C1orf54: variants seen among roughly 807,000 people sequenced by gnomAD.
C1orf54 encodes the protein chromosome 1 open reading frame 54.
Under a neutral mutation model 14.7 loss-of-function variants are expected in C1orf54, and 12 were observed. That is an observed-to-expected ratio of 0.82 (90% CI 0.52 to 1.32). C1orf54 has a LOEUF of 1.32. C1orf54 is among the 40% of genes most tolerant of loss of function. C1orf54 has a pLI of 0.00. For missense variants in C1orf54, 163 were observed against 162.2 expected (o/e 1.00, Z -0.03); for synonymous variants, 65 against 56.3 (o/e 1.16, Z -0.70).
intron 2 of C1orf54, among the ~76,000 whole-genome samples, chr1:150,275,230 G>A (rs1553852190): frequency 6.6e-6 from 1 of 152,008 alleles, no homozygotes; most frequent in Non-Finnish European, 1.5e-5. Flanking sequence ...TAGAGACAAG[G>A]TGTCACCATG....
upstream of C1orf54, chr1:150,272,694 C>A: frequency 1.0e-6 from 1 of 974,184 alleles, no homozygotes; most frequent in Non-Finnish European, 1.6e-6. Context: ...GTTCTGCCCC[C>A]TGGGAGGAGA....
intron 2 of C1orf54, among the ~76,000 whole-genome samples, chr1:150,275,456 T>C (rs149638219): frequency 0.02 from 3,086 of 152,066 alleles, 132 homozygotes; most frequent in African/African-American, 0.071. Context: ...TGAGCTATGA[T>C]TGAACCAACT....
chr1:150,272,709 T>G, upstream of C1orf54: 1 of 1,115,770 alleles, frequency 9.0e-7, no homozygotes, highest in Non-Finnish European at 1.3e-6. Context: ...AGGAGAAGAG[T>G]TGCTGCAGCT....
chr1:150,270,401 G>A (rs1043953331), upstream of C1orf54, among the ~76,000 whole-genome samples: 1 of 152,082 alleles, frequency 6.6e-6, no homozygotes, highest in African/African-American at 2.4e-5. Flanking sequence ...CAGCACTTTC[G>A]GAGGCCAAGG....
chr1:150,277,605 G>A (rs1652776777), intron 4 of C1orf54, among the ~76,000 whole-genome samples: 1 of 151,398 alleles, frequency 6.6e-6, no homozygotes, highest in African/African-American at 2.4e-5. Flanking sequence ...TGAAGGAGAG[G>A]GTATATGGAA....
At chr1:150,278,832 T>TA (rs1164820411) in intron 4 of C1orf54, among the ~76,000 whole-genome samples, 1 of 152,058 alleles carries the variant, frequency 6.6e-6, no homozygotes, top group Non-Finnish European at 1.5e-5. Flanking sequence ...ACCAACCATC[T>TA]AAAAAATCTG....
chr1:150,270,717 C>T (rs1652138506), upstream of C1orf54, among the ~76,000 whole-genome samples: 1 of 152,012 alleles, frequency 6.6e-6, no homozygotes, highest in Non-Finnish European at 1.5e-5. Flanking sequence ...AAGAGGGTAG[C>T]TGGGCGCAGT....
In C1orf54 at chr1:150,275,745, C is replaced by T; in HGVS notation, c.135C>T (p.Asp45=). The change falls in exon 3 of 6, where the codon GAC becomes GAT. Residue 45 remains aspartate (D), a synonymous_variant. Transcript: ENST00000369099. ...GATTTTCTTTCTCCTCTGCAGATGA[C>T]TTTAGTGCAGATTTCACCATTGATT... ...YYYTVTPSYD[D]FSADFTIDYS... is the part of the protein sequence containing the mutation. 6.2e-7 allele frequency: 1 copy of T among 1,610,554 alleles called. No individual in the cohort carries two copies. The highest frequency in any genetic ancestry group is 8.5e-7 in the Non-Finnish European group (1 of 1,176,930).
At chr1:150,279,783 A>C in intron 5 of C1orf54, 42 bp downstream of exon 5, 1 of 1,514,852 alleles carries the variant, frequency 6.6e-7, no homozygotes, top group African/African-American at 1.4e-5. Context: ...CTGTGAAATA[A>C]TATTTTTTAA....
At chr1:150,279,505 G>C in intron 4 of C1orf54, 138 bp from the exon 5 acceptor site, 1 of 809,874 alleles carries the variant, frequency 1.2e-6, no homozygotes, top group South Asian at 1.7e-5. Context: ...GATGGGGAAG[G>C]ATGGATCTTT....
intron 4 of C1orf54, among the ~76,000 whole-genome samples, chr1:150,278,709 G>A (rs16835698): frequency 0.021 from 3,244 of 152,242 alleles, 148 homozygotes; most frequent in African/African-American, 0.075. Context: ...CCAAGGAGGA[G>A]GAGGTCACTT....
upstream of C1orf54, among the ~76,000 whole-genome samples, chr1:150,270,228 A>G (rs1553850997): frequency 6.6e-6 from 1 of 152,182 alleles, no homozygotes; most frequent in African/African-American, 2.4e-5. Flanking sequence ...TTTAAAGATA[A>G]CCAAACTTCC....
In C1orf54 at chr1:150,280,863, A is replaced by T. The variant is rs781809184; in HGVS notation, c.*32A>T. The T allele has an allele frequency of 1.2e-5, 19 of 1,550,224 alleles. No individual in the cohort carries two copies. In the South Asian group the frequency reaches 2.3e-4, roughly 18 times the overall value. On this transcript the variant is annotated 3_prime_UTR_variant, in exon 6 of 6. Coordinates refer to ENST00000369099, the MANE Select transcript of C1orf54 (RefSeq NM_024579.4). ...GAAGAAGGCTGCTATGACTCTTTGG[A>T]TGGGAGTCTGGCAAGAGGAAATTGG...
In C1orf54 at chr1:150,273,568, G is replaced by C. The variant is rs1389934762; in HGVS notation, c.47-519G>C. 2.6e-5 allele frequency among the ~76,000 whole-genome samples: 4 copies of C among 152,174 alleles called. No homozygotes were observed. The East Asian group carries it at 5.8e-4, about 22-fold the overall frequency. The stretch of plus-strand genomic sequence containing the variant: ...AGAGATGGGTCATTTTAGTCCAGCT[G>C]ACTCATTTTAAGAAAGCGGATGTTA... On this transcript the variant is annotated intron_variant, in intron 1 of 5. Transcript: ENST00000369099.
chr1:150,274,600 A>AAG (rs1193242696), intron 2 of C1orf54, among the ~76,000 whole-genome samples: 1 of 50 alleles, frequency 0.02, no homozygotes, highest in Non-Finnish European at 0.05. Context: ...ACTCCATCTC[A>AAG]AAAAAAAAAA....
upstream of C1orf54, chr1:150,268,895 T>G: frequency 8.1e-7 from 1 of 1,234,400 alleles, no homozygotes; most frequent in Non-Finnish European, 1.1e-6. Context: ...CCGCGTGGGG[T>G]GGCAACGCGA....
At chr1:150,279,131 C>A (rs1394744943) in intron 4 of C1orf54, among the ~76,000 whole-genome samples, 1 of 152,182 alleles carries the variant, frequency 6.6e-6, no homozygotes, top group Non-Finnish European at 1.5e-5. Context: ...ATTAGCCAGG[C>A]ATGGTGGCGG....
At chr1:150,270,852 C>T (rs57518665), upstream of C1orf54, among the ~76,000 whole-genome samples, 2,585 of 151,166 alleles carry the variant, frequency 0.017, 140 homozygotes, top group East Asian at 0.21. Context: ...AAAAATTAGC[C>T]AGGCGTGGTG....
chr1:150,273,273 A>G (rs77388767), intron 1 of C1orf54, among the ~76,000 whole-genome samples: 26 of 152,350 alleles, frequency 1.7e-4, no homozygotes, highest in Admixed American at 1.6e-3. Flanking sequence ...GTAAAGACAC[A>G]GAAGTGGGGT....
Sources: allele counts gnomAD v4.1 joint callset (sites outside exome capture counted in the v4.1 genomes callset), GRCh38; gene constraint gnomAD v4.1.1; transcripts MANE v1.5; gene names NCBI Gene and HGNC (gene_info 2026-07-23, HGNC 2026-07-21).